Variants in CBLB observed in about 807,000 individuals in gnomAD.
The protein encoded by CBLB is E3 ubiquitin-protein ligase CBL-B.
Under a neutral mutation model 104.9 loss-of-function variants are expected in CBLB, and 31 were observed. The ratio of observed to expected loss-of-function variants is 0.30; its 90% CI spans 0.22 to 0.40. The LOEUF (loss-of-function observed/expected upper bound fraction) is 0.40. Among genes scored for constraint, CBLB ranks in the 10% least tolerant of loss-of-function variants. The probability of loss-of-function intolerance (pLI) is 1.00; values close to 1 mark genes in which losing one functional copy is unlikely to be tolerated. For synonymous variants in CBLB, 440 were observed against 422.6 expected (o/e 1.04, Z -0.51); for missense variants, 1,062 against 1,214.6 (o/e 0.87, Z 1.87).
At chr3:105,858,900 T>C (rs1425045483) in intron 2 of CBLB, among the ~76,000 whole-genome samples, 1 of 152,200 alleles carries the variant, frequency 6.6e-6, no homozygotes, top group Non-Finnish European at 1.5e-5. Flanking sequence ...TGTACATGCA[T>C]TGTTTCACAT....
chr3:105,683,209 T>C (rs558572072), intron 14 of CBLB, among the ~76,000 whole-genome samples: 1 of 152,354 alleles, frequency 6.6e-6, no homozygotes, highest in South Asian at 2.1e-4. Flanking sequence ...ACTCATTTAC[T>C]GGGTCACTTT....
intron 4 of CBLB, 30 bp downstream of exon 4, chr3:105,776,366 T>A (rs2079460762): frequency 6.2e-7 from 1 of 1,601,624 alleles, no homozygotes; most frequent in East Asian, 2.2e-5. Flanking sequence ...GAAAGATAGA[T>A]CCACAGCTAT....
At chr3:105,672,071 T>G (rs966093664) in intron 17 of CBLB, 1 of 193,374 alleles carries the variant, frequency 5.2e-6, no homozygotes, top group African/African-American at 2.3e-5. Flanking sequence ...TAAATGCCCC[T>G]GATACAACAT....
In CBLB at chr3:105,710,302, T is replaced by C. The variant is rs190789146; in HGVS notation, c.1408-6129A>G. Among the ~76,000 whole-genome samples the C allele has an allele frequency of 5.3e-3, 811 of 152,010 alleles. 10 individuals carry two copies. The highest frequency in any genetic ancestry group is 0.019 in the African/African-American group (770 of 41,530). On this transcript the variant is annotated intron_variant, in intron 10 of 18. Transcript: ENST00000394030. ...TCCTTTCTTTGTCACTCCTTCATGT[T>C]CATCTCTCTAATCTTAAGACAAACA...
chr3:105,798,100 G>C (rs187268570), intron 3 of CBLB, among the ~76,000 whole-genome samples: 1 of 152,298 alleles, frequency 6.6e-6, no homozygotes, highest in East Asian at 1.9e-4. Context: ...TTTTGTAAGA[G>C]ACAAGCTAAC....
intron 3 of CBLB, among the ~76,000 whole-genome samples, chr3:105,832,106 G>T (rs1045776291): frequency 1.3e-5 from 2 of 151,968 alleles, no homozygotes; most frequent in Non-Finnish European, 2.9e-5. Flanking sequence ...TTTAAAGAAG[G>T]TATAAGGTAA....
chr3:105,869,046 TCGGGGCGGGG>T (rs1163561902), upstream of CBLB: 23 of 344,414 alleles, frequency 6.7e-5, no homozygotes, highest in Non-Finnish European at 1.0e-4. Context: ...GGACCCAGGC[TCGGGGCGGGG>T]CGGGGCGGGG....
At chr3:105,720,959 A>G (rs957902449) in intron 9 of CBLB, among the ~76,000 whole-genome samples, 3 of 152,220 alleles carry the variant, frequency 2.0e-5, no homozygotes, top group African/African-American at 7.2e-5. Flanking sequence ...ACTGGTCATT[A>G]TTGGATGTTT....
intron 3 of CBLB, among the ~76,000 whole-genome samples, chr3:105,849,751 A>G (rs530896775): frequency 1.3e-5 from 2 of 152,240 alleles, no homozygotes; most frequent in African/African-American, 2.4e-5. Flanking sequence ...TGCCTTGTCA[A>G]TGTACTGATA....
intron 3 of CBLB, among the ~76,000 whole-genome samples, chr3:105,852,543 G>T (rs924941469): frequency 2.6e-5 from 4 of 152,052 alleles, no homozygotes; most frequent in African/African-American, 9.7e-5. Context: ...GTGACAGTAG[G>T]CTGTTCATAT....
chr3:105,844,215 G>A (rs1298950517), intron 3 of CBLB, among the ~76,000 whole-genome samples: 1 of 152,160 alleles, frequency 6.6e-6, no homozygotes, highest in African/African-American at 2.4e-5. Flanking sequence ...AGGGTTCTGA[G>A]GGGCAAGGCC....
At chr3:105,830,644 A>C (rs2087358797) in intron 3 of CBLB, among the ~76,000 whole-genome samples, 1 of 152,260 alleles carries the variant, frequency 6.6e-6, no homozygotes, top group Non-Finnish European at 1.5e-5. Flanking sequence ...AAGTTTAAAA[A>C]CAGTAAAAAT....
intron 2 of CBLB, among the ~76,000 whole-genome samples, chr3:105,859,319 T>C (rs1053580634): frequency 6.6e-6 from 1 of 152,170 alleles, no homozygotes; most frequent in Non-Finnish European, 1.5e-5. Flanking sequence ...AATCAAGTCA[T>C]ATACTCTCAA....
intron 18 of CBLB, among the ~76,000 whole-genome samples, chr3:105,663,540 G>A (rs949321548): frequency 2.0e-5 from 3 of 152,152 alleles, no homozygotes; most frequent in Non-Finnish European, 4.4e-5. Flanking sequence ...TTGTCAGTTT[G>A]TCAACATTCT....
intron 18 of CBLB, 77 bp from the exon 19 acceptor site, chr3:105,659,306 C>T: frequency 7.5e-7 from 1 of 1,338,164 alleles, no homozygotes; most frequent in East Asian, 2.3e-5. Flanking sequence ...ACAGCATTAT[C>T]TCATTTCCTA....
intron 3 of CBLB, among the ~76,000 whole-genome samples, chr3:105,844,443 T>C (rs1022893161): frequency 3.9e-5 from 6 of 152,226 alleles, no homozygotes; most frequent in African/African-American, 1.4e-4. Flanking sequence ...AAATTATCTT[T>C]CAGTTTAATT....
intron 3 of CBLB, among the ~76,000 whole-genome samples, chr3:105,797,175 G>A (rs1405660827): frequency 1.3e-5 from 2 of 152,192 alleles, no homozygotes; most frequent in Non-Finnish European, 2.9e-5. Context: ...CAAAGACATG[G>A]AATCAACCTA....
intron 3 of CBLB, among the ~76,000 whole-genome samples, chr3:105,837,998 T>C (rs2088833810): frequency 6.6e-6 from 1 of 152,004 alleles, no homozygotes; most frequent in Admixed American, 6.5e-5. Context: ...TTATTATGAG[T>C]GTTTGCCAAG....
At chr3:105,703,204 A>T (rs1375615899) in intron 11 of CBLB, among the ~76,000 whole-genome samples, 1 of 152,200 alleles carries the variant, frequency 6.6e-6, no homozygotes, top group Non-Finnish European at 1.5e-5. Flanking sequence ...GTTAGAAAAT[A>T]GCAGAGAAAA....
Sources: gnomAD v4.1 joint callset for allele counts (sites outside exome capture counted in the v4.1 genomes callset) on GRCh38, gnomAD v4.1.1 for gene constraint, MANE v1.5 for transcripts, NCBI Gene and HGNC (gene_info 2026-07-23, HGNC 2026-07-21) for gene names.